Variants in LRBA observed in about 807,000 individuals in gnomAD.
LRBA encodes the protein LPS responsive beige-like anchor protein, also known as lipopolysaccharide-responsive and beige-like anchor protein.
Under a neutral mutation model 330.0 loss-of-function variants are expected in LRBA, and 176 were observed. That is an observed-to-expected ratio of 0.53 (90% CI 0.47 to 0.60). The LOEUF is 0.60. Ranked by LOEUF, LRBA falls within the 20% of genes least tolerant of loss-of-function variation. The probability of loss-of-function intolerance (pLI) is 0.00; values close to 1 mark genes in which losing one functional copy is unlikely to be tolerated. For synonymous variants in LRBA, 1,230 were observed against 1,193.0 expected (o/e 1.03, Z -0.64); for missense variants, 3,259 against 3,444.8 (o/e 0.95, Z 1.35).
In LRBA at chr4:150,539,215, C is replaced by T. The variant is rs1039857535; in HGVS notation, c.6331-48180G>A. 7.9e-5 allele frequency among the ~76,000 whole-genome samples: 12 copies of T among 152,244 alleles called. No homozygotes were observed. The South Asian group carries it at 2.5e-3, about 32-fold the overall frequency. On this transcript the variant is annotated intron_variant, in intron 40 of 56. Coordinates refer to ENST00000651943, the MANE Select transcript of LRBA (RefSeq NM_001364905.1). ...GGTCTCAATCTCTTGACGTCGTGAT[C>T]CGCCCGCTGCGGCCTCCCAAAGTGC...
chr4:150,822,147 A>G (rs890159133), intron 30 of LRBA, among the ~76,000 whole-genome samples: 3 of 152,176 alleles, frequency 2.0e-5, no homozygotes, highest in Non-Finnish European at 2.9e-5. Context: ...CTGTTAAATG[A>G]ATACTAGACA....
intron 44 of LRBA, among the ~76,000 whole-genome samples, chr4:150,456,967 A>G (rs1296029092): frequency 1.3e-5 from 2 of 152,132 alleles, no homozygotes; most frequent in African/African-American, 2.4e-5. Context: ...TTTGTCAAAA[A>G]TGAGTCCACT....
intron 40 of LRBA, among the ~76,000 whole-genome samples, chr4:150,557,377 G>A (rs72957893): frequency 0.025 from 3,847 of 152,140 alleles, 137 homozygotes; most frequent in African/African-American, 0.083. Flanking sequence ...GGAAGAAGAC[G>A]CGATATGGGA....
chr4:150,440,716 G>A lies in LRBA; in HGVS notation c.6781-3852C>T, dbSNP rs2055604. ...GTTGAGGATGCAGTGAGCTGTAATCGCGCCACTGTACTCAGCCTGGGTGAC... is the reference window on the plus strand; with the variant it reads ...GTTGAGGATGCAGTGAGCTGTAATCACGCCACTGTACTCAGCCTGGGTGAC... On this transcript the variant is annotated intron_variant, in intron 44 of 56. Coordinates refer to ENST00000651943, the MANE Select transcript of LRBA (RefSeq NM_001364905.1). Among the ~76,000 whole-genome samples the A allele has an allele frequency of 6.3e-3, 952 of 152,050 alleles. 10 individuals carry two copies. Among genetic ancestry groups the A allele is most frequent in the South Asian group, 0.037 (178 of 4,806 alleles).
At chr4:150,569,602 A>G (rs547607964) in intron 40 of LRBA, among the ~76,000 whole-genome samples, 31 of 152,274 alleles carry the variant, frequency 2.0e-4, no homozygotes, top group African/African-American at 6.7e-4. Context: ...ATCTCATCGT[A>G]CATCTTTGAT....
At chr4:150,277,419 T>A (rs11929842) in intron 56 of LRBA, among the ~76,000 whole-genome samples, 76,647 of 151,802 alleles carry the variant, frequency 0.5, 20,318 homozygotes, top group South Asian at 0.59. Context: ...AGGTATAATT[T>A]AAAAAAAGAT....
At chr4:150,869,403 A>G (rs1487250192) in intron 20 of LRBA, among the ~76,000 whole-genome samples, 3 of 152,132 alleles carry the variant, frequency 2.0e-5, no homozygotes, top group Non-Finnish European at 2.9e-5. Context: ...TTTAGCTTAA[A>G]TTAGGCCAGG....
intron 36 of LRBA, among the ~76,000 whole-genome samples, chr4:150,685,401 T>TATATATATATATATATATAC (rs1561513554): frequency 6.8e-5 from 1 of 14,752 alleles, no homozygotes; most frequent in African/African-American, 2.4e-4. Context: ...TATATATATA[T>TATATATATATATATATATAC]ATATATATAT....
At position 150,639,817 on chromosome 4, in the gene LRBA, GTGTATATATATATATATATATATA is replaced by G. The variant is rs1252702102; in HGVS notation, c.5922-40710_5922-40687del. Among the ~76,000 whole-genome samples the G allele has an allele frequency of 4.1e-3, 22 of 5,372 alleles. 2 individuals are homozygous for G. Among genetic ancestry groups the G allele is most frequent in the African/African-American group, 7.6e-3 (15 of 1,974 alleles). The allele number at this position is 5,372 out of a possible 152,430, so 3.5% of individuals were successfully genotyped here. A position where few individuals can be genotyped will look rare whatever the true frequency, so the allele number is the denominator to read the frequency against. On this transcript the variant is annotated intron_variant, in intron 37 of 56. Transcript: ENST00000651943. Reference sequence around the variant, plus strand: ...TATATATATATATATGTGTGTGTGTGTGTATATATATATATATATATATATATATATATATATATATATATATAT... The same window carrying G: ...TATATATATATATATGTGTGTGTGTGTATATATATATATATATATATATAT...
At chr4:150,876,050 G>C (rs62344575) in intron 17 of LRBA, among the ~76,000 whole-genome samples, 737 of 152,258 alleles carry the variant, frequency 4.8e-3, no homozygotes, top group Non-Finnish European at 8.7e-3. Flanking sequence ...AGAGATCCTG[G>C]AATTGAAAAA....
rs931709648 is a variant in LRBA at position 151,011,760 on chromosome 4, G to A, written c.216+2667C>T. 2.6e-5 allele frequency among the ~76,000 whole-genome samples: 4 copies of A among 151,208 alleles called. No homozygotes were observed. In the East Asian group the frequency reaches 5.8e-4, roughly 22 times the overall value. On this transcript the variant is annotated intron_variant, in intron 2 of 56. Transcript: ENST00000651943. ...CATGATTGTAGCTCACTGTAGCCTCGAACTCCTGGGCTCAAGGGATCCTCC... is the reference window on the plus strand; with the variant it reads ...CATGATTGTAGCTCACTGTAGCCTCAAACTCCTGGGCTCAAGGGATCCTCC...
chr4:150,949,145 T>C (rs1736546931), intron 2 of LRBA, among the ~76,000 whole-genome samples: 1 of 152,052 alleles, frequency 6.6e-6, no homozygotes, highest in Non-Finnish European at 1.5e-5. Context: ...TGTATATAAA[T>C]ATTTACAGTA....
chr4:150,325,267 TA>T (rs988763163), intron 49 of LRBA, among the ~76,000 whole-genome samples: 1 of 152,172 alleles, frequency 6.6e-6, no homozygotes, highest in Non-Finnish European at 1.5e-5. Flanking sequence ...GATTTTCATC[TA>T]ACCCTCAGAA....
At chr4:150,503,098 C>T (rs891260893) in intron 40 of LRBA, among the ~76,000 whole-genome samples, 3 of 152,222 alleles carry the variant, frequency 2.0e-5, no homozygotes, top group South Asian at 4.1e-4. Context: ...AGGAGGCCTG[C>T]CTGCCTCTGG....
intron 36 of LRBA, among the ~76,000 whole-genome samples, chr4:150,693,563 C>CAAAAAAAAAAAA (rs70941428): frequency 2.1e-4 from 11 of 52,716 alleles, no homozygotes; most frequent in Admixed American, 1.2e-3. Context: ...GACTCCGTCT[C>CAAAAAAAAAAAA]AAAAAAAAAA....
chr4:150,976,331 TC>T (rs1740173469), intron 2 of LRBA, among the ~76,000 whole-genome samples: 1 of 152,066 alleles, frequency 6.6e-6, no homozygotes, highest in East Asian at 1.9e-4. Context: ...AGAAGAGCTG[TC>T]CCCCAAACAA....
At chr4:150,497,372 A>T (rs2152113109) in intron 40 of LRBA, among the ~76,000 whole-genome samples, 1 of 152,276 alleles carries the variant, frequency 6.6e-6, no homozygotes, top group Non-Finnish European at 1.5e-5. Context: ...ACAATGACAC[A>T]CAGTCGACTC....
chr4:150,520,024 ATTGAG>A lies in LRBA; in HGVS notation c.6331-28994_6331-28990del, dbSNP rs762705150. ...ATCAAATCTTTTGTCCATTTGTTTT[ATTGAG>A]TTATCTTTTTATTATTGATTTGCTA... On this transcript the variant is annotated intron_variant, in intron 40 of 56. Transcript: ENST00000651943. 8.5e-5 allele frequency among the ~76,000 whole-genome samples: 13 copies of A among 152,194 alleles called. No individual in the cohort carries two copies. In the East Asian group the frequency reaches 1.2e-3, roughly 14 times the overall value.
chr4:151,013,505 TA>T (rs1349596564), intron 2 of LRBA: 1 of 152,216 alleles, frequency 6.6e-6, no homozygotes, highest in East Asian at 1.9e-4. Context: ...CATCTCTAAA[TA>T]AATAAGTTAA....
Sources: allele counts gnomAD v4.1 joint callset (sites outside exome capture counted in the v4.1 genomes callset), GRCh38; gene constraint gnomAD v4.1.1; transcripts MANE v1.5; gene names NCBI Gene and HGNC (gene_info 2026-07-23, HGNC 2026-07-21).